The following HDAC5 variants were observed in gnomAD, a reference collection of about 807,000 sequenced individuals.
HDAC5 encodes the protein histone deacetylase 5.
A neutral mutation model predicts 133.3 loss-of-function variants in HDAC5; 25 were observed. The ratio of observed to expected loss-of-function variants is 0.19; its 90% confidence interval spans 0.14 to 0.26. The LOEUF (loss-of-function observed/expected upper bound fraction) is 0.26. HDAC5 is among the 10% of genes least tolerant of loss of function. The pLI, the probability that HDAC5 is intolerant of heterozygous loss-of-function variation, is 1.00. For missense variants in HDAC5, 1,041 were observed against 1,460.5 expected, an observed-to-expected ratio of 0.71 and a Z score of 4.68; for synonymous variants, 589 against 610.8, an observed-to-expected ratio of 0.96 and a Z score of 0.53.
chr17:44,096,941 C>T lies in HDAC5; in HGVS notation c.95-3107G>A, dbSNP rs190852149. On this transcript the variant is annotated intron_variant, in intron 3 of 26. Coordinates refer to ENST00000682912, the MANE Select transcript of HDAC5 (RefSeq NM_005474.5). Reference sequence around the variant, plus strand: ...TTCACCATGTAGGTCAGGCTGGTCTCGAACTCCTGACCTCAGGTGATCCAC... The same window carrying T: ...TTCACCATGTAGGTCAGGCTGGTCTTGAACTCCTGACCTCAGGTGATCCAC... Among the ~76,000 whole-genome samples, 742 of 152,258 alleles carry T rather than the reference C, an allele frequency of 4.9e-3. 6 individuals carry two copies. Among genetic ancestry groups the T allele is most frequent in the African/African-American group, 0.016 (676 of 41,540 alleles).
chr17:44,101,411 A>AAAC (rs2051600705), intron 3 of HDAC5, among the ~76,000 whole-genome samples: 1 of 23,280 alleles, frequency 4.3e-5, no homozygotes, highest in African/African-American at 9.8e-5. Flanking sequence ...ACTCCGTCTC[A>AAAC]AAAAAAAAAA....
At chr17:44,079,082 G>A in intron 24 of HDAC5, 62 bp downstream of exon 24, 1 of 1,584,692 alleles carries the variant, frequency 6.3e-7, no homozygotes. Context: ...AGTGCTGGCT[G>A]ACCCCTTGCT....
rs564168268 is a variant in HDAC5 at position 44,118,734 on chromosome 17, C to T, written c.-189-1030G>A. ...CCAAATGAAGGCAGGCCCTCCAATA[C>T]CCAATGAAAGCAAGGTAGCAGGAAG... On this transcript the variant is annotated intron_variant, in intron 1 of 26. Coordinates refer to ENST00000682912, the MANE Select transcript of HDAC5 (RefSeq NM_005474.5). 8.5e-5 allele frequency among the ~76,000 whole-genome samples: 13 copies of T among 152,262 alleles called. No individual in the cohort carries two copies. The South Asian group carries it at 2.3e-3, about 27-fold the overall frequency.
At position 44,092,813 on chromosome 17, in the gene HDAC5, T is replaced by TGGGGGCCCCCCGGGGGG; in HGVS notation, c.642-8_642-7insCCCCCCGGGGGGCCCCC. On this transcript the variant is annotated splice_region_variant and splice_polypyrimidine_tract_variant and intron_variant, in intron 6 of 26. Coordinates refer to ENST00000682912, the MANE Select transcript of HDAC5 (RefSeq NM_005474.5). ...AGAAGCATGGTGGGCTCCCCTGGGG[T>TGGGGGCCCCCCGGGGGG]GGGGGGGGGGTGGGGATGGAAGCAG... is the stretch of plus-strand genomic sequence containing the variant. The TGGGGGCCCCCCGGGGGG allele has an allele frequency of 2.5e-6, 1 of 403,450 alleles. No homozygotes were observed. The allele number at this position is 403,450 out of a possible 1,614,324, so 25.0% of individuals were successfully genotyped here. A position where few individuals can be genotyped will look rare whatever the true frequency, so the allele number is the denominator to read the frequency against.
Position 44,091,841 on chromosome 17 carries a change from A to C in HDAC5, c.1033-10T>G. 2 of 1,542,066 alleles carry C rather than the reference A, an allele frequency of 1.3e-6. No individual in the cohort carries two copies. The highest frequency in any genetic ancestry group is 1.7e-6 in the Non-Finnish European group (2 of 1,146,352). On this transcript the variant is annotated splice_polypyrimidine_tract_variant and intron_variant, in intron 9 of 26. Transcript: ENST00000682912. ...GGTGCTGAGGGAGCATCTGGGGAGC[A>C]GTCAGAAGAGACAGGCATGAGAGTG...
intron 3 of HDAC5, among the ~76,000 whole-genome samples, chr17:44,102,358 G>A (rs1425653534): frequency 6.6e-6 from 1 of 152,146 alleles, no homozygotes; most frequent in East Asian, 1.9e-4. Flanking sequence ...CCTTGGGCAG[G>A]TTCCCTTTTT....
Position 44,088,480 on chromosome 17 carries a change from C to A in HDAC5, c.1506G>T (p.Pro502=), listed in dbSNP as rs570609262. The change falls in exon 12 of 27, where the codon CCG becomes CCT. Residue 502 remains proline (P), a synonymous_variant. Coordinates refer to ENST00000682912, the MANE Select transcript of HDAC5 (RefSeq NM_005474.5). ...PLSRTQSSPL[P]QSPQALQQLV... ...GCTGCTGCAGGGCCTGGGGACTCTG[C>A]GGCAGCGGTGAGGACTGAGTGCGGC... 6 of 1,610,568 alleles carry A rather than the reference C, an allele frequency of 3.7e-6. No individual in the cohort carries two copies. In the African/African-American group the frequency reaches 6.7e-5, roughly 18 times the overall value.
At chr17:44,114,991 G>A (rs987265560) in intron 2 of HDAC5, among the ~76,000 whole-genome samples, 2 of 152,168 alleles carry the variant, frequency 1.3e-5, no homozygotes, top group African/African-American at 4.8e-5. Context: ...CCACCTTCCT[G>A]GGCAGTGGGC....
chr17:44,122,501 G>C (rs1221534018), intron 1 of HDAC5, among the ~76,000 whole-genome samples: 1 of 152,054 alleles, frequency 6.6e-6, no homozygotes, highest in Non-Finnish European at 1.5e-5. Flanking sequence ...CTGAGTGATG[G>C]GTCCCTTTTG....
rs538352201 is a variant in HDAC5 at position 44,113,188 on chromosome 17, A to G, written c.23-2388T>C. On this transcript the variant is annotated intron_variant, in intron 2 of 26. Transcript: ENST00000682912. The stretch of plus-strand genomic sequence containing the variant: ...GAGTGTGGCAGGAGAGCCTTATTCT[A>G]AAGAAGAGGAAGGCGTCAGTTACCA... 2.6e-5 allele frequency among the ~76,000 whole-genome samples: 4 copies of G among 152,316 alleles called. No individual in the cohort carries two copies. In the East Asian group the frequency reaches 7.7e-4, roughly 29 times the overall value.
intron 2 of HDAC5, chr17:44,111,549 C>G: frequency 2.0e-6 from 1 of 506,808 alleles, no homozygotes; most frequent in South Asian, 1.4e-5. Context: ...GACCAAGAAG[C>G]CAGACTCAAG....
rs1329157092 is a variant in HDAC5, at chr17:44,089,293, G to A, written c.1388-695C>T. On this transcript the variant is annotated intron_variant, in intron 11 of 26. Transcript: ENST00000682912. ...CTTTGGGAGTCCAAGGCAGGGGGATGGCTTGAGCCCAGGAGTTCAAGACCA... is the reference window on the plus strand; with the variant it reads ...CTTTGGGAGTCCAAGGCAGGGGGATAGCTTGAGCCCAGGAGTTCAAGACCA... Among the ~76,000 whole-genome samples, 4 of 152,032 alleles carry A rather than the reference G, an allele frequency of 2.6e-5. No individual in the cohort carries two copies. The East Asian group carries it at 7.8e-4, about 30-fold the overall frequency.
chr17:44,089,651 G>A (rs2050834584), intron 11 of HDAC5, among the ~76,000 whole-genome samples: 1 of 148,740 alleles, frequency 6.7e-6, no homozygotes, highest in Non-Finnish European at 1.5e-5. Context: ...GGAGGCTTAG[G>A]CAGGAGAATC....
intron 3 of HDAC5, 59 bp downstream of exon 3, chr17:44,110,670 C>T: frequency 7.2e-7 from 1 of 1,394,780 alleles, no homozygotes. Context: ...GCCAGATGCT[C>T]AGCCCAGGGA....
intron 3 of HDAC5, among the ~76,000 whole-genome samples, chr17:44,094,675 C>T (rs964886138): frequency 4.0e-5 from 6 of 151,694 alleles, no homozygotes; most frequent in Non-Finnish European, 1.5e-5. Context: ...TGAAGCTGTA[C>T]CTGACAGATT....
At chr17:44,098,739 T>TAA (rs374173029) in intron 3 of HDAC5, among the ~76,000 whole-genome samples, 51,948 of 123,538 alleles carry the variant, frequency 0.42, 13,183 homozygotes, top group East Asian at 0.82. Flanking sequence ...AGACCCTATC[T>TAA]AAAAAAAAAA....
At chr17:44,080,252 C>CAT in intron 22 of HDAC5, 27 bp from the exon 23 acceptor site, 2 of 1,599,264 alleles carry the variant, frequency 1.3e-6, no homozygotes, top group South Asian at 1.1e-5. Context: ...CAAGCTGAGC[C>CAT]CGGCAGATGA....
rs33916560 is a variant in HDAC5, at chr17:44,087,602, C to G, written c.1694G>C (p.Gly565Ala). The change falls in exon 13 of 27, where the codon GGG becomes GCG. Residue 565 changes from glycine to alanine, a missense_variant. Physicochemically the swap from Gly to Ala is moderately conservative, Grantham distance 60. Around this residue, in one of 9 missense-constraint regions of HDAC5, gnomAD observed 433 missense variants for 531.6 expected, o/e 0.81. Coordinates refer to ENST00000682912, the MANE Select transcript of HDAC5 (RefSeq NM_005474.5). Reference protein sequence around the residue: ...ELTEQQEVLLGEGALTMPREG... With the variant: ...ELTEQQEVLLAEGALTMPREG... ...CCGGGGCATGGTCAGGGCTCCCTCCCCCAGCAAGACCTCCTGCTGCTCCGT... is the reference window on the plus strand; with the variant it reads ...CCGGGGCATGGTCAGGGCTCCCTCCGCCAGCAAGACCTCCTGCTGCTCCGT... The G allele has an allele frequency of 3.0e-3, 4,841 of 1,614,022 alleles. 142 individuals are homozygous for G. The African/African-American group carries it at 0.057, about 19-fold the overall frequency.
chr17:44,089,784 T>C (rs1597959165), intron 11 of HDAC5, among the ~76,000 whole-genome samples: 2 of 124,840 alleles, frequency 1.6e-5, no homozygotes, highest in Non-Finnish European at 3.3e-5. Flanking sequence ...ATTAGCTGGG[T>C]GTGGTGGCAC....
Sources: gnomAD v4.1 joint callset for allele counts (sites outside exome capture counted in the v4.1 genomes callset) on GRCh38, gnomAD v4.1.1 for gene constraint, gnomAD v4.1.1 regional missense constraint, MANE v1.5 for transcripts, NCBI Gene and HGNC (gene_info 2026-07-23, HGNC 2026-07-21) for gene names.